Variants in CRY1 observed in about 807,000 individuals in gnomAD.
CRY1 encodes the protein cryptochrome-1.
CRY1 carries 45 observed loss-of-function variants against 76.0 expected under a neutral mutation model. The observed-to-expected ratio is 0.59, with a 90% confidence interval of 0.47 to 0.76. The LOEUF (loss-of-function observed/expected upper bound fraction) is 0.76, where lower values mean the gene tolerates loss of function less well. CRY1 is among the 30% of genes least tolerant of loss of function. CRY1 has a pLI of 0.00. For missense variants in CRY1, 587 were observed against 716.4 expected, an observed-to-expected ratio of 0.82 and a Z score of 2.06; for synonymous variants, 248 against 244.0, an observed-to-expected ratio of 1.02 and a Z score of -0.15.
At position 107,093,286 on chromosome 12, in the gene CRY1, TCGAGCCGCCACGACGGCC is replaced by T. The variant is rs1351238333; in HGVS notation, c.-343_-326del. 5 of 281,460 alleles carry T rather than the reference TCGAGCCGCCACGACGGCC, an allele frequency of 1.8e-5. No individual in the cohort carries two copies. The highest frequency in any genetic ancestry group is 4.4e-5 in the African/African-American group (2 of 45,198). The allele number at this position is 281,460 out of a possible 1,614,324, so 17.4% of individuals were successfully genotyped here. ...CGGAGCCTGAGCAAGTTCCAGGAGC[TCGAGCCGCCACGACGGCC>T]CGAGCCGGCACGGACGGCCCCAGGA... On this transcript the variant is annotated 5_prime_UTR_variant, in exon 1 of 13. Coordinates refer to ENST00000008527, the MANE Select transcript of CRY1 (RefSeq NM_004075.5).
At chr12:107,009,341 C>T (rs559433887) in intron 2 of CRY1, among the ~76,000 whole-genome samples, 109 of 151,646 alleles carry the variant, frequency 7.2e-4, no homozygotes, top group African/African-American at 2.5e-3. Context: ...GAGTTTGAGA[C>T]CACTCTGGGC....
intron 1 of CRY1, among the ~76,000 whole-genome samples, chr12:107,082,305 A>C (rs1269367532): frequency 6.6e-6 from 1 of 152,130 alleles, no homozygotes; most frequent in Non-Finnish European, 1.5e-5. Context: ...GAAAATTAAG[A>C]AGGATATTCA....
intron 1 of CRY1, among the ~76,000 whole-genome samples, chr12:107,074,154 C>T (rs577604017): frequency 1.3e-5 from 2 of 152,222 alleles, no homozygotes; most frequent in African/African-American, 4.8e-5. Flanking sequence ...CCACATTACC[C>T]CAAATTATGC....
chr12:107,008,457 A>G (rs1952399393), intron 2 of CRY1, among the ~76,000 whole-genome samples: 1 of 152,206 alleles, frequency 6.6e-6, no homozygotes. Context: ...TAGGGAAAAA[A>G]ATGCTATGAT....
chr12:107,001,622 AG>A, intron 4 of CRY1, 141 bp downstream of exon 4: 1 of 725,338 alleles, frequency 1.4e-6, no homozygotes. Flanking sequence ...CACTTCTTAA[AG>A]GGTTCTTTTT....
intron 2 of CRY1, among the ~76,000 whole-genome samples, chr12:107,018,993 G>A (rs1952525226): frequency 6.6e-6 from 1 of 152,158 alleles, no homozygotes; most frequent in Non-Finnish European, 1.5e-5. Flanking sequence ...TAAGGGTACT[G>A]TTACCAGGTC....
At chr12:107,072,954 T>C (rs148092613) in intron 1 of CRY1, 1 of 152,278 alleles carries the variant, frequency 6.6e-6, no homozygotes. Flanking sequence ...TTGGAAATGA[T>C]CCAATAAGTA....
chr12:107,082,052 G>C (rs1373931676), intron 1 of CRY1, among the ~76,000 whole-genome samples: 2 of 151,990 alleles, frequency 1.3e-5, no homozygotes, highest in Admixed American at 6.6e-5. Flanking sequence ...TGCAATCCTA[G>C]TCTCTGATAA....
chr12:107,015,151 C>T (rs2136838144), intron 2 of CRY1, among the ~76,000 whole-genome samples: 1 of 152,342 alleles, frequency 6.6e-6, no homozygotes, highest in African/African-American at 2.4e-5. Flanking sequence ...GCTGGGATTA[C>T]AGGCGTGAGC....
At position 107,022,845 on chromosome 12, in the gene CRY1, T is replaced by TA. The variant is rs11308588; in HGVS notation, c.159-654dup. The stretch of plus-strand genomic sequence containing the variant: ...GTGTAGAAAATGCCAGATTAACTTC[T>TA]AAAAAAAAAAAAAAAGAAAAGGTTT... On this transcript the variant is annotated intron_variant, in intron 1 of 12. Coordinates refer to ENST00000008527, the MANE Select transcript of CRY1 (RefSeq NM_004075.5). Among the ~76,000 whole-genome samples, 319 of 130,944 alleles carry TA rather than the reference T, an allele frequency of 2.4e-3. 1 individual carries two copies. Among genetic ancestry groups the TA allele is most frequent in the East Asian group, 0.016 (78 of 4,770 alleles). 85.9% of individuals were successfully genotyped at this position (130,944 alleles called of 152,430 possible). A position where few individuals can be genotyped will look rare whatever the true frequency, so the allele number is the denominator to read the frequency against.
At chr12:107,021,266 A>G (rs547749018) in intron 2 of CRY1, among the ~76,000 whole-genome samples, 5 of 152,274 alleles carry the variant, frequency 3.3e-5, no homozygotes, top group African/African-American at 4.8e-5. Context: ...CTGGGCGACA[A>G]GAGCAAGACT....
intron 2 of CRY1, among the ~76,000 whole-genome samples, chr12:107,009,095 GA>G (rs1273375734): frequency 2.0e-5 from 3 of 152,202 alleles, no homozygotes; most frequent in Admixed American, 2.0e-4. Context: ...CACGGGTGTT[GA>G]ATTATGTCAG....
chr12:107,003,425 G>C (rs966394445), intron 3 of CRY1, among the ~76,000 whole-genome samples: 4 of 152,124 alleles, frequency 2.6e-5, no homozygotes, highest in African/African-American at 9.7e-5. Flanking sequence ...GGCCTACCAG[G>C]AGAGTTAAGT....
chr12:107,070,209 A>C (rs1953172216), intron 1 of CRY1, among the ~76,000 whole-genome samples: 1 of 152,242 alleles, frequency 6.6e-6, no homozygotes, highest in Non-Finnish European at 1.5e-5. Context: ...TGGTGTCAGG[A>C]AACTAGAAGT....
intron 1 of CRY1, among the ~76,000 whole-genome samples, chr12:107,070,521 G>A (rs1312170716): frequency 6.6e-6 from 1 of 151,928 alleles, no homozygotes; most frequent in Non-Finnish European, 1.5e-5. Flanking sequence ...TGGGAGAAGG[G>A]AAATTCAAAT....
At chr12:107,053,505 A>G (rs1952946913) in intron 1 of CRY1, among the ~76,000 whole-genome samples, 1 of 152,118 alleles carries the variant, frequency 6.6e-6, no homozygotes, top group Admixed American at 6.6e-5. Flanking sequence ...TTTAGTAGAG[A>G]GGGGGTTTCT....
chr12:106,997,780 C>T, intron 8 of CRY1, 90 bp from the exon 9 acceptor site: 1 of 1,536,972 alleles, frequency 6.5e-7, no homozygotes, highest in Non-Finnish European at 8.9e-7. Flanking sequence ...AAATCAAGAC[C>T]ATTTAAATGA....
intron 3 of CRY1, 52 bp from the exon 4 acceptor site, chr12:107,002,000 T>C (rs1259052252): frequency 2.0e-6 from 3 of 1,469,606 alleles, no homozygotes; most frequent in Non-Finnish European, 1.8e-6. Context: ...ACAATACATT[T>C]TGGCTAATAA....
At chr12:107,060,153 A>G (rs1448076553) in intron 1 of CRY1, among the ~76,000 whole-genome samples, 1 of 152,152 alleles carries the variant, frequency 6.6e-6, no homozygotes, top group Non-Finnish European at 1.5e-5. Context: ...TCTTTATCTC[A>G]TTTAATACTC....
Sources: gnomAD v4.1 joint callset for allele counts (sites outside exome capture counted in the v4.1 genomes callset) on GRCh38, gnomAD v4.1.1 for gene constraint, MANE v1.5 for transcripts, NCBI Gene and HGNC (gene_info 2026-07-23, HGNC 2026-07-21) for gene names.